Variants in INPP5A observed in about 807,000 individuals in gnomAD.
The protein encoded by INPP5A is inositol polyphosphate-5-phosphatase A.
Under a neutral mutation model 65.2 loss-of-function variants are expected in INPP5A, and 14 were observed. The observed-to-expected ratio is 0.21, with a 90% CI of 0.14 to 0.34. The LOEUF is 0.34. INPP5A is among the 10% of genes least tolerant of loss of function. INPP5A has a pLI of 1.00. For synonymous variants in INPP5A, 207 were observed against 208.3 expected, an observed-to-expected ratio of 0.99 and a Z score of 0.05; for missense variants, 431 against 545.6, an observed-to-expected ratio of 0.79 and a Z score of 2.09.
chr10:132,748,134 A>G (rs140741139), intron 9 of INPP5A, among the ~76,000 whole-genome samples: 93 of 152,264 alleles, frequency 6.1e-4, no homozygotes, highest in African/African-American at 2.1e-3. Context: ...CTCTCTCTCC[A>G]TATAATCCAG....
intron 2 of INPP5A, among the ~76,000 whole-genome samples, chr10:132,631,592 A>G (rs1230172172): frequency 6.6e-6 from 1 of 152,232 alleles, no homozygotes. Flanking sequence ...AGAACGCCTG[A>G]CAGGGCCTGG....
Position 132,704,439 on chromosome 10 carries a change from C to A in INPP5A, c.475-3874C>A, listed in dbSNP as rs752982745. Reference sequence around the variant, plus strand: ...GTGAGCCTCAGTTTCCCTTTCTGGTCGGCCCGAGGGTTGGGTGTGTGCCTG... The same window carrying A: ...GTGAGCCTCAGTTTCCCTTTCTGGTAGGCCCGAGGGTTGGGTGTGTGCCTG... On this transcript the variant is annotated intron_variant, in intron 6 of 15. Coordinates refer to ENST00000368594, the MANE Select transcript of INPP5A (RefSeq NM_005539.5). This position sits in a 1 kb window ranked among gnomAD's most constrained non-coding sequence, Gnocchi z 4.5. Among the ~76,000 whole-genome samples, 3 of 152,244 alleles carry A rather than the reference C, an allele frequency of 2.0e-5. No homozygotes were observed. The highest frequency in any genetic ancestry group is 1.3e-4 in the Admixed American group (2 of 15,290).
chr10:132,587,546 G>A lies in INPP5A; in HGVS notation c.76-20369G>A, dbSNP rs1424226417. 1.3e-5 allele frequency among the ~76,000 whole-genome samples: 2 copies of A among 152,184 alleles called. No individual in the cohort carries two copies. Among genetic ancestry groups the A allele is most frequent in the Admixed American group, 6.5e-5 (1 of 15,286 alleles). On this transcript the variant is annotated intron_variant, in intron 1 of 15. Coordinates refer to ENST00000368594, the MANE Select transcript of INPP5A (RefSeq NM_005539.5). The surrounding 1 kb of genome is among the most constrained non-coding windows in gnomAD (Gnocchi z 4.3). ...AGCTGTTGGGACGCGGGGAGCAGGC[G>A]AAATTTCTGGGCCAATGTTTAAACC...
At chr10:132,614,855 G>A (rs983524156) in intron 2 of INPP5A, among the ~76,000 whole-genome samples, 1 of 152,246 alleles carries the variant, frequency 6.6e-6, no homozygotes, top group Non-Finnish European at 1.5e-5. Context: ...ACAAGGACAC[G>A]GCAAGAAGGT....
chr10:132,770,064 T>C (rs922538870), intron 12 of INPP5A, among the ~76,000 whole-genome samples: 2 of 152,186 alleles, frequency 1.3e-5, no homozygotes, highest in Non-Finnish European at 2.9e-5. Context: ...CGAAACCCCA[T>C]GTAGAACAGG....
In INPP5A at chr10:132,545,920, AGT is replaced by A. The variant is rs766413005; in HGVS notation, c.75+7753_75+7754del. Among the ~76,000 whole-genome samples, 2 of 152,086 alleles carry A rather than the reference AGT, an allele frequency of 1.3e-5. No individual in the cohort carries two copies. The highest frequency in any genetic ancestry group is 2.9e-5 in the Non-Finnish European group (2 of 68,018). On this transcript the variant is annotated intron_variant, in intron 1 of 15. Transcript: ENST00000368594. The surrounding 1 kb of genome is among the most constrained non-coding windows in gnomAD (Gnocchi z 4.6). ...CCTCCGCTCGGCCTGAGGTGATGAGAGTGTGGATGGCACCTGCACTGTGTCCA... is the reference window on the plus strand; with the variant it reads ...CCTCCGCTCGGCCTGAGGTGATGAGAGTGGATGGCACCTGCACTGTGTCCA...
intron 12 of INPP5A, among the ~76,000 whole-genome samples, chr10:132,771,339 G>C (rs1056953498): frequency 6.6e-5 from 10 of 152,202 alleles, no homozygotes; most frequent in Non-Finnish European, 1.5e-4. Context: ...TTTGTTTAGT[G>C]CTGAGGGATT....
rs1254833613 is a variant in INPP5A at position 132,538,089 on chromosome 10, C to A, written c.-8C>A. Reference sequence around the variant, plus strand: ...CGCCCAGCCCAGCGCCCGCGCCGCCCGGGCACCATGGCGGGGAAGGCGGCC... The same window carrying A: ...CGCCCAGCCCAGCGCCCGCGCCGCCAGGGCACCATGGCGGGGAAGGCGGCC... On this transcript the variant is annotated 5_prime_UTR_variant, in exon 1 of 16. Transcript: ENST00000368594. The surrounding 1 kb of genome is among the most constrained non-coding windows in gnomAD (Gnocchi z 4.1). The A allele has an allele frequency of 2.5e-6, 3 of 1,182,060 alleles. No homozygotes were observed. The highest frequency in any genetic ancestry group is 3.1e-6 in the Non-Finnish European group (3 of 955,212). 73.2% of individuals were successfully genotyped at this position (1,182,060 alleles called of 1,614,324 possible). A position where few individuals can be genotyped will look rare whatever the true frequency, so the allele number is the denominator to read the frequency against.
intron 1 of INPP5A, among the ~76,000 whole-genome samples, chr10:132,570,667 CTT>C (rs370433696): frequency 0.014 from 2,005 of 147,188 alleles, 33 homozygotes; most frequent in Non-Finnish European, 0.019. Context: ...TACCAAAACA[CTT>C]TTTTTTTTTT....
At chr10:132,605,609 G>C (rs1389729059) in intron 1 of INPP5A, among the ~76,000 whole-genome samples, 1 of 151,886 alleles carries the variant, frequency 6.6e-6, no homozygotes, top group African/African-American at 2.4e-5. Flanking sequence ...TGGGGCCCAG[G>C]AGGCCCTGGG....
At chr10:132,658,692 G>A (rs967833487) in intron 4 of INPP5A, among the ~76,000 whole-genome samples, 1 of 152,082 alleles carries the variant, frequency 6.6e-6, no homozygotes, top group African/African-American at 2.4e-5. Flanking sequence ...CCGCAGCTGG[G>A]TGGTCTCTGG....
chr10:132,758,426 G>C (rs182829571), intron 11 of INPP5A, among the ~76,000 whole-genome samples: 20 of 149,682 alleles, frequency 1.3e-4, no homozygotes, highest in Non-Finnish European at 1.5e-5. Context: ...CCGTGGTGTG[G>C]GTCCTTGGCT....
chr10:132,773,911 C>T (rs1565012847), intron 12 of INPP5A, among the ~76,000 whole-genome samples: 2 of 152,194 alleles, frequency 1.3e-5, no homozygotes, highest in Admixed American at 6.5e-5. Flanking sequence ...CAGGTGTGCA[C>T]CACCACACCT....
At chr10:132,701,200 T>G (rs932283008) in intron 6 of INPP5A, among the ~76,000 whole-genome samples, 1 of 152,150 alleles carries the variant, frequency 6.6e-6, no homozygotes, top group African/African-American at 2.4e-5. Flanking sequence ...GAAGGAACCC[T>G]ATTAACAGGG....
At position 132,691,818 on chromosome 10, in the gene INPP5A, G is replaced by A. The variant is rs998323091; in HGVS notation, c.370+1363G>A. On this transcript the variant is annotated intron_variant, in intron 5 of 15. Coordinates refer to ENST00000368594, the MANE Select transcript of INPP5A (RefSeq NM_005539.5). The stretch of plus-strand genomic sequence containing the variant: ...GTGTGGACATGGGAGACGTGCGGTC[G>A]CGGGAGACGTGTGGTCGCGGGAGAC... Among the ~76,000 whole-genome samples, 9 of 147,604 alleles carry A rather than the reference G, an allele frequency of 6.1e-5. No homozygotes were observed. The East Asian group carries it at 1.2e-3, about 19-fold the overall frequency.
chr10:132,610,207 C>T (rs2071924254), intron 2 of INPP5A, among the ~76,000 whole-genome samples: 1 of 152,200 alleles, frequency 6.6e-6, no homozygotes, highest in Non-Finnish European at 1.5e-5. Context: ...CATGGAGGGG[C>T]ACGTGAGCCC....
At chr10:132,756,317 A>G (rs573187993) in intron 11 of INPP5A, among the ~76,000 whole-genome samples, 92 of 151,746 alleles carry the variant, frequency 6.1e-4, no homozygotes, top group Non-Finnish European at 1.0e-3. Context: ...GTATGTGTGT[A>G]TGCATGTGTG....
chr10:132,660,036 G>T (rs1157855139), intron 4 of INPP5A, among the ~76,000 whole-genome samples: 1 of 152,216 alleles, frequency 6.6e-6, no homozygotes. Flanking sequence ...ACGTTCCCGC[G>T]CTCCGCCGAC....
rs1020691488 is a variant in INPP5A, at chr10:132,547,573, C to T, written c.75+9402C>T. Among the ~76,000 whole-genome samples, 6 of 152,198 alleles carry T rather than the reference C, an allele frequency of 3.9e-5. No individual in the cohort carries two copies. Among genetic ancestry groups the T allele is most frequent in the African/African-American group, 9.6e-5 (4 of 41,454 alleles). On this transcript the variant is annotated intron_variant, in intron 1 of 15. Transcript: ENST00000368594. This position sits in a 1 kb window ranked among gnomAD's most constrained non-coding sequence, Gnocchi z 5.5. Reference sequence around the variant, plus strand: ...CCGGGAGGCCGGGCACCTGCACCCTCGCCGTCGCCCTGGGCTGACCTCCCA... The same window carrying T: ...CCGGGAGGCCGGGCACCTGCACCCTTGCCGTCGCCCTGGGCTGACCTCCCA...
Sources: allele counts gnomAD v4.1 joint callset (sites outside exome capture counted in the v4.1 genomes callset), GRCh38; gene constraint gnomAD v4.1.1; non-coding constraint Gnocchi (gnomAD v3.1); transcripts MANE v1.5; gene names NCBI Gene and HGNC (gene_info 2026-07-23, HGNC 2026-07-21).